Variants in SHROOM3 observed in about 807,000 individuals in gnomAD.
The protein encoded by SHROOM3 is shroom family member 3.
SHROOM3 carries 47 observed loss-of-function variants against 138.6 expected under a neutral mutation model. That is an observed-to-expected ratio of 0.34 (90% CI 0.27 to 0.43). The LOEUF is 0.43. SHROOM3 is among the 20% of genes least tolerant of loss of function. SHROOM3 has a pLI of 1.00. For synonymous variants in SHROOM3, 1,062 were observed against 1,063.3 expected (o/e 1.00, Z 0.02); for missense variants, 2,491 against 2,596.5 (o/e 0.96, Z 0.88).
chr4:76,727,983 G>A (rs753498283), intron 3 of SHROOM3, among the ~76,000 whole-genome samples: 23 of 151,444 alleles, frequency 1.5e-4, no homozygotes, highest in South Asian at 4.2e-4. Flanking sequence ...GTGAAACCCC[G>A]TCTCTACCAA....
chr4:76,780,192 C>T lies in SHROOM3; in HGVS notation c.*1015C>T, dbSNP rs1435577935. On this transcript the variant is annotated 3_prime_UTR_variant, in exon 11 of 11. Transcript: ENST00000296043. ...TTTTCTAAAATGTCAAACCTGTTGA[C>T]CACACTTTGATTAAAAACTGCCTCC... 2 of 152,120 alleles carry T rather than the reference C, an allele frequency of 1.3e-5. No homozygotes were observed. Among genetic ancestry groups the T allele is most frequent in the African/African-American group, 4.8e-5 (2 of 41,428 alleles). 9.4% of individuals were successfully genotyped at this position (152,120 alleles called of 1,614,324 possible). A position where few individuals can be genotyped will look rare whatever the true frequency, so the allele number is the denominator to read the frequency against.
At chr4:76,519,265 C>T (rs112909694) in intron 1 of SHROOM3, among the ~76,000 whole-genome samples, 5 of 152,032 alleles carry the variant, frequency 3.3e-5, no homozygotes, top group African/African-American at 1.2e-4. Flanking sequence ...AAGTGCATCT[C>T]TAGGGGTCAG....
At chr4:76,529,195 A>T (rs961038595) in intron 1 of SHROOM3, among the ~76,000 whole-genome samples, 3 of 152,152 alleles carry the variant, frequency 2.0e-5, no homozygotes, top group African/African-American at 7.2e-5. Context: ...GGAAACATGG[A>T]GGTGGAGATG....
rs1560629739 is a variant in SHROOM3 at position 76,782,796 on chromosome 4, A to G, written c.*3619A>G. 6.6e-6 allele frequency: 1 copy of G among 152,238 alleles called. No homozygotes were observed. Among genetic ancestry groups the G allele is most frequent in the Non-Finnish European group, 1.5e-5 (1 of 68,034 alleles). 9.4% of individuals were successfully genotyped at this position (152,238 alleles called of 1,614,324 possible). A position where few individuals can be genotyped will look rare whatever the true frequency, so the allele number is the denominator to read the frequency against. ...TGAATGTGAAGGGGCTTTTCTACAC[A>G]GGAATATATTATCGGGAACAAAGTA... On this transcript the variant is annotated 3_prime_UTR_variant, in exon 11 of 11. Transcript: ENST00000296043.
chr4:76,613,120 G>T (rs1734798240), intron 2 of SHROOM3, among the ~76,000 whole-genome samples: 1 of 152,156 alleles, frequency 6.6e-6, no homozygotes, highest in African/African-American at 2.4e-5. Context: ...TAACGAGTTG[G>T]TGGGGGCATT....
chr4:76,454,088 G>A (rs189537445), intron 1 of SHROOM3, among the ~76,000 whole-genome samples: 13 of 152,270 alleles, frequency 8.5e-5, no homozygotes, highest in Admixed American at 1.3e-4. Flanking sequence ...TTGTTGCTCA[G>A]GCTGGAGTGC....
At chr4:76,528,582 G>A (rs1168004175) in intron 1 of SHROOM3, among the ~76,000 whole-genome samples, 1 of 68,078 alleles carries the variant, frequency 1.5e-5, no homozygotes, top group East Asian at 3.8e-4. Flanking sequence ...TTTTACTCTT[G>A]TTGCCCAGGC....
chr4:76,610,729 G>A (rs1338495359), intron 2 of SHROOM3, among the ~76,000 whole-genome samples: 3 of 152,094 alleles, frequency 2.0e-5, no homozygotes, highest in African/African-American at 2.4e-5. Context: ...GTTGGCATCC[G>A]TGTAGAGGGA....
intron 2 of SHROOM3, among the ~76,000 whole-genome samples, chr4:76,694,385 G>T (rs1177871423): frequency 6.6e-6 from 1 of 151,778 alleles, no homozygotes; most frequent in Admixed American, 6.6e-5. Flanking sequence ...GTGTTTTGTT[G>T]TTTGTTTTAA....
At position 76,741,323 on chromosome 4, in the gene SHROOM3, G is replaced by A. The variant is rs746539386; in HGVS notation, c.3150G>A (p.Pro1050=). ...LGPQRNGMRF[P]ESSVADRRRL... ...CGCAGAGAAATGGGATGCGTTTCCC[G>A]GAGAGCAGCGTGGCCGACCGGCGCC... Residue 1050 remains proline, a synonymous_variant, in exon 5 of 11, where the codon CCG becomes CCA. Transcript: ENST00000296043. This position sits in a 1 kb window ranked among gnomAD's most constrained non-coding sequence, Gnocchi z 6.2. 19 of 1,611,552 alleles carry A rather than the reference G, an allele frequency of 1.2e-5. No homozygotes were observed. Among genetic ancestry groups the A allele is most frequent in the East Asian group, 8.9e-5 (4 of 44,850 alleles).
intron 2 of SHROOM3, among the ~76,000 whole-genome samples, chr4:76,662,704 G>A (rs901367591): frequency 4.6e-5 from 7 of 152,128 alleles, no homozygotes; most frequent in African/African-American, 7.2e-5. Flanking sequence ...AAGAATCCAC[G>A]TATACTTTCC....
At chr4:76,564,462 C>T (rs1346759757) in intron 2 of SHROOM3, among the ~76,000 whole-genome samples, 13 of 152,230 alleles carry the variant, frequency 8.5e-5, no homozygotes, top group African/African-American at 1.2e-4. Context: ...GAGCAGTTTT[C>T]GGCTTCTTTG....
At chr4:76,539,932 C>G (rs1249113830) in intron 1 of SHROOM3, among the ~76,000 whole-genome samples, 2 of 152,212 alleles carry the variant, frequency 1.3e-5, no homozygotes, top group Non-Finnish European at 2.9e-5. Flanking sequence ...ACTGCAACTT[C>G]CATCTTCCGG....
chr4:76,677,189 T>C (rs1042508760), intron 2 of SHROOM3, among the ~76,000 whole-genome samples: 12 of 152,180 alleles, frequency 7.9e-5, no homozygotes, highest in African/African-American at 2.4e-4. Flanking sequence ...GTGCCCTGAA[T>C]AGGAATAAAG....
At chr4:76,733,939 C>T (rs981608298) in intron 4 of SHROOM3, among the ~76,000 whole-genome samples, 2 of 151,878 alleles carry the variant, frequency 1.3e-5, no homozygotes, top group Admixed American at 1.3e-4. Context: ...TCTGTCAGAC[C>T]CTTGACACTC....
Position 76,740,452 on chromosome 4 carries a change from G to C in SHROOM3, c.2279G>C (p.Gly760Ala). Residue 760 changes from glycine to alanine, a missense_variant, in exon 5 of 11, where the codon GGG becomes GCG. Transcript: ENST00000296043. This position sits in a 1 kb window ranked among gnomAD's most constrained non-coding sequence, Gnocchi z 4.0. The part of the protein sequence containing the change: ...HPHTSSLGRR[G>A]PGPGSASALQ... ...CACACATCCAGTCTGGGCCGGAGGG[G>C]GCCCGGCCCAGGCAGCGCCTCGGCT... is the stretch of plus-strand genomic sequence containing the variant. 6.2e-7 allele frequency: 1 copy of C among 1,611,610 alleles called. No individual in the cohort carries two copies. The highest frequency in any genetic ancestry group is 8.5e-7 in the Non-Finnish European group (1 of 1,178,662).
intron 1 of SHROOM3, among the ~76,000 whole-genome samples, chr4:76,545,909 A>T (rs1251871103): frequency 6.6e-6 from 1 of 152,122 alleles, no homozygotes; most frequent in Non-Finnish European, 1.5e-5. Flanking sequence ...ATCTTTATAC[A>T]CCTCACCACT....
chr4:76,654,321 T>C (rs1736020802), intron 2 of SHROOM3, among the ~76,000 whole-genome samples: 1 of 152,164 alleles, frequency 6.6e-6, no homozygotes, highest in South Asian at 2.1e-4. Context: ...TCTGAGAGTT[T>C]GTACTTTATT....
chr4:76,512,476 G>T (rs1174042815), intron 1 of SHROOM3, among the ~76,000 whole-genome samples: 1 of 152,182 alleles, frequency 6.6e-6, no homozygotes, highest in African/African-American at 2.4e-5. Flanking sequence ...TGGAATGTGG[G>T]CCATTTTCTC....
Sources: allele counts gnomAD v4.1 joint callset (sites outside exome capture counted in the v4.1 genomes callset), GRCh38; gene constraint gnomAD v4.1.1; non-coding constraint Gnocchi (gnomAD v3.1); transcripts MANE v1.5; gene names NCBI Gene and HGNC (gene_info 2026-07-23, HGNC 2026-07-21).